Variants in MCM9 observed in about 807,000 individuals in gnomAD.
MCM9 encodes the protein minichromosome maintenance 9 homologous recombination repair factor.
In MCM9, 55 loss-of-function variants were observed where a neutral mutation model predicts 72.8. The observed-to-expected ratio is 0.76, with a 90% CI of 0.61 to 0.95. The LOEUF is 0.95. MCM9 is among the 40% of genes least tolerant of loss of function. MCM9 has a pLI of 0.00. For synonymous variants in MCM9, 480 were observed against 503.4 expected, an observed-to-expected ratio of 0.95 and a Z score of 0.62; for missense variants, 1,279 against 1,377.0, an observed-to-expected ratio of 0.93 and a Z score of 1.13.
At chr6:118,894,414 A>G in intron 8 of MCM9, 1 of 1,536,724 alleles carries the variant, frequency 6.5e-7, no homozygotes, top group Non-Finnish European at 8.7e-7. Flanking sequence ...TTTTCAAAAT[A>G]TGGCAAAGGT....
chr6:118,835,940 A>G (rs1034335333), intron 9 of MCM9, among the ~76,000 whole-genome samples: 13 of 152,180 alleles, frequency 8.5e-5, no homozygotes, highest in African/African-American at 3.1e-4. Flanking sequence ...TTCAAGGGGA[A>G]TGCTTCCAGC....
At chr6:118,874,392 A>C (rs543404271) in intron 8 of MCM9, among the ~76,000 whole-genome samples, 65 of 152,336 alleles carry the variant, frequency 4.3e-4, no homozygotes, top group African/African-American at 1.5e-3. Flanking sequence ...TTAAACAACA[A>C]CACAAAAAAC....
intron 8 of MCM9, among the ~76,000 whole-genome samples, chr6:118,858,478 T>C (rs1776706756): frequency 6.6e-6 from 1 of 152,158 alleles, no homozygotes; most frequent in African/African-American, 2.4e-5. Flanking sequence ...TTCTTATCAC[T>C]GTTAATCAAA....
intron 8 of MCM9, among the ~76,000 whole-genome samples, chr6:118,899,691 TATAA>T (rs1779673200): frequency 6.6e-6 from 1 of 152,178 alleles, no homozygotes; most frequent in Non-Finnish European, 1.5e-5. Flanking sequence ...TACAATACAA[TATAA>T]ATAAGCAGTA....
At position 118,856,533 on chromosome 6, in the gene MCM9, G is replaced by A. The variant is rs545524695; in HGVS notation, c.1163C>T (p.Thr388Ile). The A allele has an allele frequency of 6.5e-7, 1 of 1,535,516 alleles. No homozygotes were observed. Among genetic ancestry groups the A allele is most frequent in the South Asian group, 1.2e-5 (1 of 84,036 alleles). The change falls in exon 9 of 14, where the codon ACT (threonine) becomes ATT (isoleucine). Residue 388 changes from threonine to isoleucine, a missense_variant. Coordinates refer to ENST00000619706, the MANE Select transcript of MCM9 (RefSeq NM_017696.3). ...CCATTCTCCTGAGTCTTTTACAGCAGTTACCGTCAGACCTGAGGAAACAAG... is the reference window on the plus strand; with the variant it reads ...CCATTCTCCTGAGTCTTTTACAGCAATTACCGTCAGACCTGAGGAAACAAG... The part of the protein sequence containing the change: ...IGSTSAGLTV[T>I]AVKDSGEWNL...
Position 118,815,398 on chromosome 6 carries a change from G to C in MCM9, c.2858C>G (p.Pro953Arg), listed in dbSNP as rs1169243600. The C allele has an allele frequency of 3.2e-6, 5 of 1,550,220 alleles. No homozygotes were observed. In the African/African-American group the frequency reaches 6.8e-5, roughly 21 times the overall value. Residue 953 changes from proline to arginine, a missense_variant, in exon 14 of 14, where the codon CCT becomes CGT. By Grantham distance (103) the Pro-to-Arg change is moderately radical (BLOSUM62 -2). Transcript: ENST00000619706. ...PGATKIAVHS[P>R]KISQRRTRRD... Reference sequence around the variant, plus strand: ...TCTTGTTCTACGCTGGGAAATTTTAGGACTATGAACTGCTATTTTAGTTGC... The same window carrying C: ...TCTTGTTCTACGCTGGGAAATTTTACGACTATGAACTGCTATTTTAGTTGC...
chr6:118,861,011 C>T (rs1477183223), intron 8 of MCM9, among the ~76,000 whole-genome samples: 2 of 152,212 alleles, frequency 1.3e-5, no homozygotes, highest in African/African-American at 2.4e-5. Flanking sequence ...GCTCACACTA[C>T]TACCGGCCCA....
At chr6:118,863,463 A>G (rs1301916287) in intron 8 of MCM9, among the ~76,000 whole-genome samples, 1 of 152,272 alleles carries the variant, frequency 6.6e-6, no homozygotes, top group Non-Finnish European at 1.5e-5. Context: ...CATAAAAAGC[A>G]TCAAAGACAA....
At position 118,917,784 on chromosome 6, in the gene MCM9, T is replaced by G. The variant is rs2114317757; in HGVS notation, c.704-23A>C. 3 of 1,602,628 alleles carry G rather than the reference T, an allele frequency of 1.9e-6. No individual in the cohort carries two copies. In the South Asian group the frequency reaches 3.3e-5, roughly 18 times the overall value. ...CACCTAGGAAAAAGCATCAAGTGAG[T>G]CCAGCAGTAGCATCCTGCATGCTGA... On this transcript the variant is annotated intron_variant, in intron 5 of 13. Transcript: ENST00000619706.
intron 8 of MCM9, among the ~76,000 whole-genome samples, chr6:118,878,251 A>G (rs1173790963): frequency 6.6e-6 from 1 of 152,166 alleles, no homozygotes; most frequent in African/African-American, 2.4e-5. Context: ...CAAAAAATAC[A>G]TAGTCTACAA....
At chr6:118,869,909 C>T (rs1777489019) in intron 8 of MCM9, among the ~76,000 whole-genome samples, 1 of 152,052 alleles carries the variant, frequency 6.6e-6, no homozygotes. Flanking sequence ...AGACAAAGAA[C>T]ATCATTATAT....
Position 118,816,061 on chromosome 6 carries a change from G to A in MCM9, c.2195C>T (p.Ala732Val). The A allele has an allele frequency of 6.5e-7, 1 of 1,550,248 alleles. No homozygotes were observed. Among genetic ancestry groups the A allele is most frequent in the Admixed American group, 2.0e-5 (1 of 50,988 alleles). The part of the protein sequence containing the change: ...PNRSTSRKHS[A>V]QHKNNRDDSL... ...GTCATCTCTGTTATTTTTGTGCTGA[G>A]CTGAATGTTTCCTACTTGTTGATCT... Residue 732 changes from alanine (A) to valine (V), a missense_variant, in exon 14 of 14, where the codon GCT (alanine) becomes GTT (valine). Physicochemically the swap from Ala to Val is moderately conservative, Grantham distance 64. Coordinates refer to ENST00000619706, the MANE Select transcript of MCM9 (RefSeq NM_017696.3).
chr6:118,926,818 T>C (rs572267643), intron 3 of MCM9, among the ~76,000 whole-genome samples: 5 of 152,202 alleles, frequency 3.3e-5, no homozygotes, highest in African/African-American at 1.2e-4. Context: ...CTGGGTCACA[T>C]GGTTATTAAA....
chr6:118,856,663 G>C, intron 8 of MCM9, 118 bp from the exon 9 acceptor site: 1 of 1,080,138 alleles, frequency 9.3e-7, no homozygotes, highest in Non-Finnish European at 1.3e-6. Context: ...AAGATTTCTT[G>C]AACACAGGAG....
intron 13 of MCM9, among the ~76,000 whole-genome samples, chr6:118,822,722 C>T (rs1773899026): frequency 6.6e-6 from 1 of 152,186 alleles, no homozygotes; most frequent in African/African-American, 2.4e-5. Flanking sequence ...AAGCAACACC[C>T]ACAGCTTCCC....
chr6:118,907,298 C>A, intron 8 of MCM9: 1 of 728,480 alleles, frequency 1.4e-6, no homozygotes, highest in Non-Finnish European at 2.3e-6. Context: ...ATGAACTTAG[C>A]CCTTTAGGAG....
Position 118,815,977 on chromosome 6 carries a change from A to C in MCM9, c.2279T>G (p.Val760Gly), listed in dbSNP as rs1217005643. 1.2e-5 allele frequency: 18 copies of C among 1,550,402 alleles called. No individual in the cohort carries two copies. Among genetic ancestry groups the C allele is most frequent in the Non-Finnish European group, 1.6e-5 (18 of 1,146,952 alleles). ...AGATGTTTTGGGATGAGGAGACACA[A>C]CAACAGTGTTTTTAGGTTCACTCTG... ...THQSEPKNTV[V>G]VSPHPKTSGE... Residue 760 changes from valine to glycine, a missense_variant, in exon 14 of 14, where the codon GTT becomes GGT. Transcript: ENST00000619706.
rs1371234152 is a variant in MCM9, at chr6:118,913,387, T to G, written c.938A>C (p.Gln313Pro). 2 of 1,613,848 alleles carry G rather than the reference T, an allele frequency of 1.2e-6. No homozygotes were observed. Among genetic ancestry groups the G allele is most frequent in the Non-Finnish European group, 1.7e-6 (2 of 1,179,982 alleles). The change falls in exon 7 of 14, where the codon CAA (glutamine) becomes CCA (proline). Residue 313 changes from glutamine to proline, a missense_variant. Physicochemically the swap from Gln to Pro is moderately conservative, Grantham distance 76. Transcript: ENST00000619706. Reference sequence around the variant, plus strand: ...CTTTACTAGATACATTCCAAACACTTGAGGGCACAAGCTAGCCAATATTAC... The same window carrying G: ...CTTTACTAGATACATTCCAAACACTGGAGGGCACAAGCTAGCCAATATTAC... ...RNVILASLCP[Q>P]VFGMYLVKLA...
intron 9 of MCM9, among the ~76,000 whole-genome samples, chr6:118,829,873 A>G (rs1774417786): frequency 7.4e-6 from 1 of 135,468 alleles, no homozygotes; most frequent in Non-Finnish European, 1.6e-5. Context: ...CGAAAGAAAC[A>G]AAAAAGAGAG....
Sources: gnomAD v4.1 joint callset for allele counts (sites outside exome capture counted in the v4.1 genomes callset) on GRCh38, gnomAD v4.1.1 for gene constraint, MANE v1.5 for transcripts, NCBI Gene and HGNC (gene_info 2026-07-23, HGNC 2026-07-21) for gene names.